Variants in FAM184B observed in about 807,000 individuals in gnomAD.
FAM184B encodes family with sequence similarity 184 member B, also known as protein FAM184B.
In FAM184B, 111 loss-of-function variants were observed where a neutral mutation model predicts 135.9. The ratio of observed to expected loss-of-function variants is 0.82; its 90% CI spans 0.70 to 0.96. The LOEUF is 0.96. FAM184B is among the 40% of genes least tolerant of loss of function. The pLI is 0.00. For missense variants in FAM184B, 1,375 were observed against 1,323.9 expected (o/e 1.04, Z -0.60); for synonymous variants, 552 against 524.8 (o/e 1.05, Z -0.71).
At chr4:17,671,256 T>A (rs1033668191) in intron 7 of FAM184B, among the ~76,000 whole-genome samples, 3 of 151,892 alleles carry the variant, frequency 2.0e-5, no homozygotes, top group Admixed American at 2.0e-4. Flanking sequence ...AGGAAAGGAG[T>A]TAATTGGCAT....
chr4:17,758,211 C>T (rs1056840292), intron 1 of FAM184B, among the ~76,000 whole-genome samples: 5 of 152,110 alleles, frequency 3.3e-5, no homozygotes, highest in Non-Finnish European at 7.4e-5. Context: ...TCAAATTTAC[C>T]CCTTTTGTCA....
intron 1 of FAM184B, among the ~76,000 whole-genome samples, chr4:17,745,518 C>A (rs1407894019): frequency 6.6e-6 from 1 of 152,196 alleles, no homozygotes; most frequent in African/African-American, 2.4e-5. Flanking sequence ...ACTTTACTGG[C>A]CTGGCCAAGA....
chr4:17,720,497 T>C (rs557040802), intron 1 of FAM184B, among the ~76,000 whole-genome samples: 5 of 152,214 alleles, frequency 3.3e-5, no homozygotes, highest in South Asian at 2.1e-4. Context: ...AGAGAAATGT[T>C]GGTGAGGATG....
intron 1 of FAM184B, among the ~76,000 whole-genome samples, chr4:17,762,126 GT>G (rs1389039716): frequency 6.6e-6 from 1 of 152,114 alleles, no homozygotes; most frequent in Admixed American, 6.6e-5. Context: ...CTTGGACAGT[GT>G]CCTCCATACC....
chr4:17,735,513 G>A (rs1717887390), intron 1 of FAM184B, among the ~76,000 whole-genome samples: 1 of 151,820 alleles, frequency 6.6e-6, no homozygotes, highest in Non-Finnish European at 1.5e-5. Context: ...CTTTTTCTAT[G>A]TCCAATATTG....
chr4:17,635,532 A>G (rs912883597), intron 15 of FAM184B, among the ~76,000 whole-genome samples: 1 of 151,978 alleles, frequency 6.6e-6, no homozygotes, highest in African/African-American at 2.4e-5. Flanking sequence ...CACTTTACCT[A>G]TAATAACTAT....
intron 12 of FAM184B, among the ~76,000 whole-genome samples, chr4:17,646,373 T>A (rs1343081393): frequency 6.6e-6 from 1 of 152,124 alleles, no homozygotes; most frequent in Non-Finnish European, 1.5e-5. Context: ...ATGTGGCACA[T>A]ATACACCATG....
At position 17,632,401 on chromosome 4, in the gene FAM184B, A is replaced by AT. The variant is rs949673366; in HGVS notation, c.*130dup. On this transcript the variant is annotated 3_prime_UTR_variant, in exon 18 of 18. Coordinates refer to ENST00000265018, the MANE Select transcript of FAM184B (RefSeq NM_015688.2). ...AACAGTATGAAGTGTTAACGCCAAAATTTGTTTTAGCTATCATATATAAAT... is the reference window on the plus strand; with the variant it reads ...AACAGTATGAAGTGTTAACGCCAAAATTTTGTTTTAGCTATCATATATAAAT... 2 of 723,826 alleles carry AT rather than the reference A, an allele frequency of 2.8e-6. No homozygotes were observed. The highest frequency in any genetic ancestry group is 4.4e-6 in the Non-Finnish European group (2 of 451,672). The allele number at this position is 723,826 out of a possible 1,614,324, so 44.8% of individuals were successfully genotyped here. A position where few individuals can be genotyped will look rare whatever the true frequency, so the allele number is the denominator to read the frequency against.
At chr4:17,763,526 G>T (rs1431781856) in intron 1 of FAM184B, among the ~76,000 whole-genome samples, 1 of 151,686 alleles carries the variant, frequency 6.6e-6, no homozygotes. Flanking sequence ...CCGCTCCAGG[G>T]GTCTAGGACA....
rs71167338 is a variant in FAM184B, at chr4:17,774,992, CTTTTTTTT to C, written c.141+6159_141+6166del. Among the ~76,000 whole-genome samples the C allele has an allele frequency of 5.1e-4, 42 of 81,746 alleles. No homozygotes were observed. The East Asian group carries it at 0.013, about 26-fold the overall frequency. 53.6% of individuals were successfully genotyped at this position (81,746 alleles called of 152,430 possible). A position where few individuals can be genotyped will look rare whatever the true frequency, so the allele number is the denominator to read the frequency against. On this transcript the variant is annotated intron_variant, in intron 1 of 17. Coordinates refer to ENST00000265018, the MANE Select transcript of FAM184B (RefSeq NM_015688.2). ...CCTAAGAATAAGATATTTTCCTTTT[CTTTTTTTT>C]TTTTTTTTTTTTTTTGAGATGGAGT... is the stretch of plus-strand genomic sequence containing the variant.
At chr4:17,632,670 C>G in intron 17 of FAM184B, 45 bp from the exon 18 acceptor site, 4 of 1,311,584 alleles carry the variant, frequency 3.0e-6, no homozygotes, top group Non-Finnish European at 3.2e-6. Context: ...GAAAACTATG[C>G]AAGAAGCAGC....
At chr4:17,726,344 G>A (rs993522024) in intron 1 of FAM184B, among the ~76,000 whole-genome samples, 3 of 152,096 alleles carry the variant, frequency 2.0e-5, no homozygotes, top group African/African-American at 4.8e-5. Context: ...CCAGGTGTGG[G>A]CTCTTAAATG....
intron 7 of FAM184B, among the ~76,000 whole-genome samples, chr4:17,683,808 G>A (rs116416699): frequency 0.011 from 1,729 of 152,182 alleles, 22 homozygotes; most frequent in Non-Finnish European, 0.017. Flanking sequence ...AGACGCAGTG[G>A]TTCATGTCTG....
intron 1 of FAM184B, among the ~76,000 whole-genome samples, chr4:17,730,011 C>T (rs1016050468): frequency 2.0e-5 from 3 of 152,004 alleles, no homozygotes; most frequent in African/African-American, 7.2e-5. Context: ...AAGTTAAAAA[C>T]TTTGAAAAAA....
At chr4:17,732,661 C>A (rs1034997777) in intron 1 of FAM184B, among the ~76,000 whole-genome samples, 3 of 152,134 alleles carry the variant, frequency 2.0e-5, no homozygotes, top group African/African-American at 7.2e-5. Flanking sequence ...CTGAATAGAC[C>A]AATAACAGTC....
chr4:17,672,614 T>C (rs528586778), intron 7 of FAM184B, among the ~76,000 whole-genome samples: 9 of 152,322 alleles, frequency 5.9e-5, no homozygotes, highest in African/African-American at 1.9e-4. Flanking sequence ...TCAAATGTTT[T>C]TTCTGTATCT....
chr4:17,657,414 C>T (rs1267624751), intron 10 of FAM184B, among the ~76,000 whole-genome samples: 5 of 152,124 alleles, frequency 3.3e-5, no homozygotes, highest in Non-Finnish European at 5.9e-5. Flanking sequence ...TCCCTGGCAT[C>T]GTAGCTCTCT....
At chr4:17,742,168 A>ATTTTTTTT (rs869228150) in intron 1 of FAM184B, among the ~76,000 whole-genome samples, 1 of 109,310 alleles carries the variant, frequency 9.1e-6, no homozygotes, top group African/African-American at 4.8e-5. Flanking sequence ...ATATATATAT[A>ATTTTTTTT]TTTTTTTTTT....
At chr4:17,712,303 G>A (rs1451883688) in intron 1 of FAM184B, among the ~76,000 whole-genome samples, 1 of 152,136 alleles carries the variant, frequency 6.6e-6, no homozygotes, top group African/African-American at 2.4e-5. Context: ...GGAGATAAGG[G>A]GGTCAAAGAC....
Sources: gnomAD v4.1 joint callset for allele counts (sites outside exome capture counted in the v4.1 genomes callset) on GRCh38, gnomAD v4.1.1 for gene constraint, MANE v1.5 for transcripts, NCBI Gene and HGNC (gene_info 2026-07-23, HGNC 2026-07-21) for gene names.